The following KCNH1 variants were observed in gnomAD, a reference collection of about 807,000 sequenced individuals.
The protein encoded by KCNH1 is voltage-gated delayed rectifier potassium channel KCNH1.
KCNH1 carries 27 observed loss-of-function variants against 69.2 expected under a neutral mutation model. The ratio of observed to expected loss-of-function variants is 0.39; its 90% CI spans 0.29 to 0.54. The LOEUF is 0.54. KCNH1 is among the 20% of genes least tolerant of loss of function. KCNH1 has a pLI of 0.68. For missense variants in KCNH1, 798 were observed against 1,261.6 expected (o/e 0.63, Z 5.57); for synonymous variants, 456 against 487.7 (o/e 0.93, Z 0.86).
chr1:210,859,220 A>G, intron 7 of KCNH1: 4 of 1,612,412 alleles, frequency 2.5e-6, no homozygotes, highest in Middle Eastern at 1.7e-4. Flanking sequence ...AGAACTTGGC[A>G]CAACTGGAGC....
chr1:210,860,647 G>A, intron 7 of KCNH1: 1 of 785,184 alleles, frequency 1.3e-6, no homozygotes, highest in Non-Finnish European at 2.3e-6. Flanking sequence ...ATGAAGAAGA[G>A]CCTGCATTAC....
At chr1:211,091,256 A>G (rs1470936312) in intron 3 of KCNH1, among the ~76,000 whole-genome samples, 1 of 152,164 alleles carries the variant, frequency 6.6e-6, no homozygotes, top group African/African-American at 2.4e-5. Flanking sequence ...ATCTTGGCTC[A>G]CTGCATCCTC....
intron 9 of KCNH1, among the ~76,000 whole-genome samples, chr1:210,778,981 C>A (rs1439341074): frequency 6.6e-6 from 1 of 151,578 alleles, no homozygotes; most frequent in Non-Finnish European, 1.5e-5. Context: ...TTATAAGCAA[C>A]TCTTCAGGGG....
At chr1:210,837,878 T>C (rs1252945176) in intron 7 of KCNH1, among the ~76,000 whole-genome samples, 1 of 152,230 alleles carries the variant, frequency 6.6e-6, no homozygotes, top group East Asian at 1.9e-4. Flanking sequence ...CTGCAACTAA[T>C]AAATGCTAGG....
chr1:210,977,417 C>T (rs552539589), intron 6 of KCNH1, among the ~76,000 whole-genome samples: 6 of 152,142 alleles, frequency 3.9e-5, no homozygotes, highest in Middle Eastern at 3.4e-3. Flanking sequence ...ACGTTGTGCA[C>T]TTGTACCCTA....
At chr1:210,747,231 T>C (rs903627403) in intron 10 of KCNH1, among the ~76,000 whole-genome samples, 1 of 152,156 alleles carries the variant, frequency 6.6e-6, no homozygotes, top group Non-Finnish European at 1.5e-5. Flanking sequence ...TCTCCCCTGA[T>C]GTTACTGAGC....
At chr1:210,792,687 T>TAAAA (rs74449886) in intron 9 of KCNH1, among the ~76,000 whole-genome samples, 42 of 139,330 alleles carry the variant, frequency 3.0e-4, no homozygotes, top group African/African-American at 1.1e-3. Context: ...CCAAGAAAAT[T>TAAAA]AAAAAAAAAA....
At chr1:211,125,582 G>A (rs1365659855) in intron 1 of KCNH1, among the ~76,000 whole-genome samples, 1 of 152,132 alleles carries the variant, frequency 6.6e-6, no homozygotes, top group Admixed American at 6.5e-5. Flanking sequence ...TCAAAGTTAA[G>A]CCATAGATAA....
intron 6 of KCNH1, among the ~76,000 whole-genome samples, chr1:211,006,546 G>T (rs1421004828): frequency 6.6e-6 from 1 of 151,860 alleles, no homozygotes; most frequent in African/African-American, 2.4e-5. Context: ...GGAGGAGCAA[G>T]GGAGAAGTGA....
intron 10 of KCNH1, among the ~76,000 whole-genome samples, chr1:210,711,511 G>A (rs1682074628): frequency 6.6e-6 from 1 of 152,160 alleles, no homozygotes; most frequent in Non-Finnish European, 1.5e-5. Context: ...AGCCTCTGAG[G>A]TGTCTTACAT....
intron 7 of KCNH1, among the ~76,000 whole-genome samples, chr1:210,894,453 C>T (rs1686820581): frequency 6.6e-6 from 1 of 152,138 alleles, no homozygotes; most frequent in East Asian, 1.9e-4. Flanking sequence ...GGTCATTCTT[C>T]TCCTAGCTTT....
At chr1:210,910,963 A>C (rs915700378) in intron 7 of KCNH1, among the ~76,000 whole-genome samples, 1 of 152,212 alleles carries the variant, frequency 6.6e-6, no homozygotes. Context: ...AGCTTATTCC[A>C]TGAACACTTA....
chr1:210,903,341 A>C (rs576391920), intron 7 of KCNH1, among the ~76,000 whole-genome samples: 1 of 152,218 alleles, frequency 6.6e-6, no homozygotes, highest in African/African-American at 2.4e-5. Context: ...ATCAGCCCTA[A>C]ATTTTTTTAA....
chr1:210,711,225 T>C (rs939625851), intron 10 of KCNH1, among the ~76,000 whole-genome samples: 4 of 152,236 alleles, frequency 2.6e-5, no homozygotes, highest in African/African-American at 9.6e-5. Flanking sequence ...AATGCCATCA[T>C]ACCTGGCCTG....
intron 5 of KCNH1, among the ~76,000 whole-genome samples, chr1:211,035,612 G>T (rs1689883351): frequency 6.6e-6 from 1 of 152,110 alleles, no homozygotes; most frequent in South Asian, 2.1e-4. Flanking sequence ...TTATATAAAA[G>T]GCTATGAGTG....
rs553613336 is a variant in KCNH1 at position 211,000,131 on chromosome 1, C to T, written c.1032+18652G>A. Among the ~76,000 whole-genome samples, 42 of 152,310 alleles carry T rather than the reference C, an allele frequency of 2.8e-4. 1 individual carries two copies. In the South Asian group the frequency reaches 6.2e-3, roughly 23 times the overall value. On this transcript the variant is annotated intron_variant, in intron 6 of 10. Coordinates refer to ENST00000271751, the MANE Select transcript of KCNH1 (RefSeq NM_172362.3). ...ACAGGGATGTCCTCTCTCACCACTC[C>T]TATTCAACATAGTGTTGGAAGTTGT...
chr1:210,876,616 T>C (rs1348542317), intron 7 of KCNH1, among the ~76,000 whole-genome samples: 2 of 152,196 alleles, frequency 1.3e-5, no homozygotes, highest in African/African-American at 4.8e-5. Context: ...CCTGAGGTTC[T>C]TCTATCTCTG....
chr1:210,960,718 C>T (rs1170783361), intron 6 of KCNH1, among the ~76,000 whole-genome samples: 1 of 152,198 alleles, frequency 6.6e-6, no homozygotes. Context: ...CTATGAAGAT[C>T]TGTGTACAAG....
At chr1:210,983,640 T>C (rs1688761528) in intron 6 of KCNH1, among the ~76,000 whole-genome samples, 1 of 152,228 alleles carries the variant, frequency 6.6e-6, no homozygotes, top group Non-Finnish European at 1.5e-5. Context: ...TATCTCTGTT[T>C]TGGTACCAGT....
Sources: gnomAD v4.1 joint callset for allele counts (sites outside exome capture counted in the v4.1 genomes callset) on GRCh38, gnomAD v4.1.1 for gene constraint, MANE v1.5 for transcripts, NCBI Gene and HGNC (gene_info 2026-07-23, HGNC 2026-07-21) for gene names.